The following MYO9A variants were observed in gnomAD, a reference collection of about 807,000 sequenced individuals.
MYO9A encodes the protein myosin IXA.
A neutral mutation model predicts 293.3 loss-of-function variants in MYO9A; 103 were observed. That is an observed-to-expected ratio of 0.35 (90% CI 0.30 to 0.41). The LOEUF (loss-of-function observed/expected upper bound fraction) is 0.41. Among genes scored for constraint, MYO9A ranks in the 10% least tolerant of loss-of-function variants. MYO9A has a pLI of 1.00. For synonymous variants in MYO9A, 1,001 were observed against 1,035.7 expected (o/e 0.97, Z 0.64); for missense variants, 2,685 against 3,033.0 (o/e 0.89, Z 2.69).
At chr15:72,058,980 C>G (rs1402347716) in intron 1 of MYO9A, among the ~76,000 whole-genome samples, 1 of 152,100 alleles carries the variant, frequency 6.6e-6, no homozygotes, top group African/African-American at 2.4e-5. Context: ...TTTGTTTTTG[C>G]TTTTTTATCA....
chr15:71,830,033 AAAAAT>A, intron 40 of MYO9A, 71 bp downstream of exon 40: 2 of 1,441,988 alleles, frequency 1.4e-6, no homozygotes, highest in Non-Finnish European at 1.9e-6. Flanking sequence ...ATAAATAAGA[AAAAAT>A]AAAGAAACGA....
intron 33 of MYO9A, among the ~76,000 whole-genome samples, chr15:71,860,874 G>A (rs1389111820): frequency 6.7e-6 from 1 of 148,202 alleles, no homozygotes; most frequent in Non-Finnish European, 1.5e-5. Context: ...GGCTGAGGCA[G>A]GACAAGCACT....
At chr15:71,893,505 C>T (rs919088761) in intron 26 of MYO9A, 174 bp downstream of exon 26, 6 of 622,006 alleles carry the variant, frequency 9.6e-6, no homozygotes, top group Non-Finnish European at 1.6e-5. Context: ...GGCACCATTC[C>T]CTGCCTGGAG....
intron 24 of MYO9A, 44 bp from the exon 25 acceptor site, chr15:71,899,076 ACC>A: frequency 6.9e-7 from 1 of 1,444,704 alleles, no homozygotes; most frequent in Non-Finnish European, 9.3e-7. Flanking sequence ...TATCTTAGTT[ACC>A]ACTGAAAATA....
intron 5 of MYO9A, among the ~76,000 whole-genome samples, 192 bp downstream of exon 5, chr15:72,020,726 C>T (rs550230240): frequency 7.4e-4 from 113 of 152,174 alleles, no homozygotes; most frequent in Middle Eastern, 6.8e-3. Context: ...ATTATCTGAG[C>T]TTTTAACATT....
At chr15:72,085,123 G>C (rs1399130443) in intron 1 of MYO9A, among the ~76,000 whole-genome samples, 1 of 152,110 alleles carries the variant, frequency 6.6e-6, no homozygotes, top group African/African-American at 2.4e-5. Context: ...GGCCGGGCGT[G>C]GTGGCTCACG....
chr15:71,830,350 A>C (rs1415312204), intron 39 of MYO9A, 39 bp from the exon 40 acceptor site: 2 of 1,582,572 alleles, frequency 1.3e-6, no homozygotes, highest in Non-Finnish European at 1.7e-6. Flanking sequence ...AAATTGAGTG[A>C]CTGCATCAGT....
intron 4 of MYO9A, 94 bp from the exon 5 acceptor site, chr15:72,021,111 T>C: frequency 1.4e-6 from 1 of 709,790 alleles, no homozygotes; most frequent in East Asian, 3.1e-5. Flanking sequence ...ATTAGTAAAA[T>C]GTATCAGCTT....
intron 39 of MYO9A, among the ~76,000 whole-genome samples, chr15:71,844,071 T>A (rs776498797): frequency 3.6e-4 from 55 of 152,250 alleles, no homozygotes; most frequent in Non-Finnish European, 6.0e-4. Context: ...TATAGCTTTT[T>A]ACAGAATTAA....
At chr15:72,043,813 C>G (rs2078298724) in intron 2 of MYO9A, among the ~76,000 whole-genome samples, 1 of 152,054 alleles carries the variant, frequency 6.6e-6, no homozygotes, top group Non-Finnish European at 1.5e-5. Context: ...TCATGTTATA[C>G]ACTTTAAATA....
intron 10 of MYO9A, among the ~76,000 whole-genome samples, chr15:71,994,014 C>T (rs946146456): frequency 5.4e-5 from 8 of 149,096 alleles, no homozygotes; most frequent in Admixed American, 5.3e-4. Context: ...GAAATGTATA[C>T]ACAGGTAAGT....
chr15:71,887,262 G>A (rs538190083), intron 27 of MYO9A, among the ~76,000 whole-genome samples: 1 of 152,116 alleles, frequency 6.6e-6, no homozygotes, highest in African/African-American at 2.4e-5. Context: ...GCTAAGTATA[G>A]AGGGAGATAA....
intron 1 of MYO9A, among the ~76,000 whole-genome samples, chr15:72,083,910 G>A (rs1032661530): frequency 2.0e-5 from 3 of 151,972 alleles, no homozygotes; most frequent in African/African-American, 4.8e-5. Context: ...GAAACATGTC[G>A]AATTGTGTGG....
At chr15:71,868,110 G>A (rs2141989567) in intron 32 of MYO9A, among the ~76,000 whole-genome samples, 1 of 152,320 alleles carries the variant, frequency 6.6e-6, no homozygotes, top group Non-Finnish European at 1.5e-5. Flanking sequence ...ATCAGATATT[G>A]ACAAGGGCGT....
At chr15:71,967,938 A>T in intron 13 of MYO9A, 46 bp downstream of exon 13, 2 of 1,549,532 alleles carry the variant, frequency 1.3e-6, no homozygotes, top group South Asian at 1.2e-5. Context: ...GACAGTTAAG[A>T]ACACATCTCT....
In MYO9A at chr15:71,898,340, T is replaced by G. The variant is rs964165597; in HGVS notation, c.4163A>C (p.Asp1388Ala). 6.2e-7 allele frequency: 1 copy of G among 1,613,676 alleles called. No homozygotes were observed. The highest frequency in any genetic ancestry group is 8.5e-7 in the Non-Finnish European group (1 of 1,180,040). The change falls in exon 25 of 42, where the codon GAT becomes GCT. Residue 1388 changes from aspartate to alanine, a missense_variant. Around this residue, in one of 10 missense-constraint regions of MYO9A, gnomAD observed 1,434 missense variants for 1,497.7 expected, o/e 0.96. Coordinates refer to ENST00000356056, the MANE Select transcript of MYO9A (RefSeq NM_006901.4). ...NETSSAEHLK[D>A]GTMKEMVVCS... ...GACCACCATTTCCTTCATAGTTCCA[T>G]CCTTCAAATGCTCTGCACTGCTAGT...
At chr15:72,081,005 A>T (rs548838455) in intron 1 of MYO9A, among the ~76,000 whole-genome samples, 1 of 152,306 alleles carries the variant, frequency 6.6e-6, no homozygotes, top group South Asian at 2.1e-4. Context: ...TGTTATCATA[A>T]ATAGTGCTGC....
chr15:72,003,700 T>C (rs1336436033), intron 8 of MYO9A, among the ~76,000 whole-genome samples: 3 of 125,546 alleles, frequency 2.4e-5, no homozygotes, highest in African/African-American at 5.9e-5. Context: ...CGAGACTCCG[T>C]CTCAAAAAAA....
chr15:72,016,755 G>A (rs2077351520), intron 6 of MYO9A, among the ~76,000 whole-genome samples: 1 of 152,188 alleles, frequency 6.6e-6, no homozygotes, highest in South Asian at 2.1e-4. Context: ...TAATGGTGAT[G>A]AAAGTATGAT....
Sources: gnomAD v4.1 joint callset for allele counts (sites outside exome capture counted in the v4.1 genomes callset) on GRCh38, gnomAD v4.1.1 for gene constraint, gnomAD v4.1.1 regional missense constraint, MANE v1.5 for transcripts, NCBI Gene and HGNC (gene_info 2026-07-23, HGNC 2026-07-21) for gene names.